Variants in CLPB observed in about 807,000 individuals in gnomAD.
CLPB encodes the protein ClpB family mitochondrial disaggregase.
Under a neutral mutation model 78.4 loss-of-function variants are expected in CLPB, and 40 were observed. The ratio of observed to expected loss-of-function variants is 0.51; its 90% CI spans 0.40 to 0.66. CLPB has a LOEUF of 0.66. Ranked by LOEUF, CLPB falls within the 30% of genes least tolerant of loss-of-function variation. The pLI, the probability that CLPB is intolerant of heterozygous loss-of-function variation, is 0.00. For synonymous variants in CLPB, 333 were observed against 348.0 expected (o/e 0.96, Z 0.48); for missense variants, 780 against 886.9 (o/e 0.88, Z 1.53).
At chr11:72,362,228 C>A (rs984237250) in intron 4 of CLPB, among the ~76,000 whole-genome samples, 1 of 152,220 alleles carries the variant, frequency 6.6e-6, no homozygotes, top group Non-Finnish European at 1.5e-5. Flanking sequence ...ATTCCTCCTA[C>A]GTTTGAGGTA....
intron 4 of CLPB, among the ~76,000 whole-genome samples, chr11:72,360,335 C>T (rs773428091): frequency 6.6e-6 from 1 of 152,184 alleles, no homozygotes; most frequent in Non-Finnish European, 1.5e-5. Context: ...CAGACAATTC[C>T]TAAACCATTC....
At chr11:72,396,950 T>C (rs1247306952) in intron 3 of CLPB, among the ~76,000 whole-genome samples, 2 of 152,358 alleles carry the variant, frequency 1.3e-5, no homozygotes, top group African/African-American at 4.8e-5. Context: ...AGAGTAAAAT[T>C]CATCCTTTTT....
intron 11 of CLPB, among the ~76,000 whole-genome samples, chr11:72,297,112 GGGA>G (rs1949564792): frequency 6.6e-6 from 1 of 152,210 alleles, no homozygotes; most frequent in Non-Finnish European, 1.5e-5. Context: ...ACAGGTGCTA[GGGA>G]GGAGATCTAC....
chr11:72,365,494 T>C (rs891517523), intron 4 of CLPB, among the ~76,000 whole-genome samples: 3 of 152,156 alleles, frequency 2.0e-5, no homozygotes, highest in Admixed American at 2.0e-4. Context: ...CTAAAACTGA[T>C]TGTCATAATA....
chr11:72,401,845 C>A (rs952331437), intron 3 of CLPB, among the ~76,000 whole-genome samples: 1 of 152,182 alleles, frequency 6.6e-6, no homozygotes, highest in African/African-American at 2.4e-5. Context: ...TACTTCATCC[C>A]AGCACTTCCA....
intron 3 of CLPB, among the ~76,000 whole-genome samples, chr11:72,390,571 G>A (rs752307285): frequency 6.6e-5 from 10 of 151,934 alleles, no homozygotes; most frequent in Non-Finnish European, 1.5e-4. Context: ...GGTATATAAA[G>A]AAAATCTTCA....
chr11:72,412,031 C>G (rs1855893478), intron 2 of CLPB: 1 of 152,250 alleles, frequency 6.6e-6, no homozygotes, highest in Non-Finnish European at 1.5e-5. Context: ...TGCCTGGGGC[C>G]AGAATCCCCA....
intron 5 of CLPB, among the ~76,000 whole-genome samples, chr11:72,357,986 T>G (rs1394789634): frequency 1.3e-5 from 2 of 152,164 alleles, no homozygotes; most frequent in Non-Finnish European, 2.9e-5. Context: ...TCATGTGCCA[T>G]GTACTCACTC....
At chr11:72,343,131 C>T (rs528528882) in intron 5 of CLPB, among the ~76,000 whole-genome samples, 1 of 152,260 alleles carries the variant, frequency 6.6e-6, no homozygotes, top group East Asian at 1.9e-4. Context: ...CAAGTAGAGC[C>T]CTCTGCTTGG....
At chr11:72,392,130 C>A (rs1855271732) in intron 3 of CLPB, among the ~76,000 whole-genome samples, 1 of 151,906 alleles carries the variant, frequency 6.6e-6, no homozygotes, top group Non-Finnish European at 1.5e-5. Flanking sequence ...GGGCAGTGAT[C>A]CCAGCTCCAG....
At chr11:72,429,193 T>C (rs2135164156) in intron 2 of CLPB, 1 of 152,350 alleles carries the variant, frequency 6.6e-6, no homozygotes, top group South Asian at 2.1e-4. Context: ...GTTTTTAAGA[T>C]GCATCATCGC....
chr11:72,378,121 T>C (rs867934112), intron 4 of CLPB, among the ~76,000 whole-genome samples: 1 of 152,236 alleles, frequency 6.6e-6, no homozygotes, highest in Admixed American at 6.5e-5. Context: ...GATGGCTTCA[T>C]AGCTCTGAGA....
chr11:72,432,827 T>C lies in CLPB; in HGVS notation c.403+1245A>G, dbSNP rs548749244. Among the ~76,000 whole-genome samples the C allele has an allele frequency of 4.6e-5, 7 of 152,250 alleles. No individual in the cohort carries two copies. The South Asian group carries it at 1.5e-3, about 32-fold the overall frequency. ...CCAGACCAAAGTCCTTCCTTTACAA[T>C]TGGCCACATCAAACGAATCAAAGTC... On this transcript the variant is annotated intron_variant, in intron 1 of 15. Transcript: ENST00000538039.
chr11:72,322,788 GT>G (rs1323852055), intron 6 of CLPB, among the ~76,000 whole-genome samples: 1 of 152,094 alleles, frequency 6.6e-6, no homozygotes, highest in African/African-American at 2.4e-5. Flanking sequence ...AAAGTATCTT[GT>G]GGGGAGAGAC....
In CLPB at chr11:72,289,924, T is replaced by TTG. The variant is rs1333504838; in HGVS notation, c.*3441_*3442dup. The TTG allele has an allele frequency of 2.6e-5, 4 of 152,286 alleles. No individual in the cohort carries two copies. The highest frequency in any genetic ancestry group is 2.0e-4 in the Admixed American group (3 of 15,302). The allele number at this position is 152,286 out of a possible 1,614,324, so 9.4% of individuals were successfully genotyped here. On this transcript the variant is annotated 3_prime_UTR_variant, in exon 16 of 16. Transcript: ENST00000538039. ...TGGATAGAATAATAAATTCAGGTGC[T>TTG]TGTATTTGCATGTTTTAACATATAT...
At chr11:72,407,523 T>C (rs78509017) in intron 2 of CLPB, among the ~76,000 whole-genome samples, 15,338 of 152,150 alleles carry the variant, frequency 0.1, 1,346 homozygotes, top group African/African-American at 0.24. Flanking sequence ...GGAAGAGGCA[T>C]TTCTCTAAAC....
chr11:72,380,435 G>A (rs1854875130), intron 3 of CLPB, 51 bp from the exon 4 acceptor site: 1 of 1,429,028 alleles, frequency 7.0e-7, no homozygotes, highest in Admixed American at 1.7e-5. Flanking sequence ...AGGCCCAGGA[G>A]GTACAGACCC....
chr11:72,357,250 G>C (rs1950735917), intron 5 of CLPB: 1 of 152,348 alleles, frequency 6.6e-6, no homozygotes, highest in Non-Finnish European at 1.5e-5. Flanking sequence ...GTGTTCCTGG[G>C]AAGTTCCCAG....
chr11:72,403,032 T>C lies in CLPB; in HGVS notation c.476A>G (p.Asp159Gly), dbSNP rs753217777. Reference sequence around the variant, plus strand: ...GCCAAGTCTGTGCTTTGCATTGACATCTGCACCTTCTGACAACAGCCTAAA... The same window carrying C: ...GCCAAGTCTGTGCTTTGCATTGACACCTGCACCTTCTGACAACAGCCTAAA... The part of the protein sequence containing the change: ...EVSRLLSEGA[D>G]VNAKHRLGWT... The change falls in exon 3 of 16, where the codon GAT (aspartate) becomes GGT (glycine). Residue 159 changes from aspartate (D) to glycine (G), a missense_variant. By Grantham distance (94) the Asp-to-Gly change is moderately conservative. Around this residue, in one of 3 missense-constraint regions of CLPB, gnomAD observed 417 missense variants for 414.7 expected, o/e 1.01. Coordinates refer to ENST00000538039, the MANE Select transcript of CLPB (RefSeq NM_001258392.3). 1 of 1,613,500 alleles carries C rather than the reference T, an allele frequency of 6.2e-7. No individual in the cohort carries two copies. The highest frequency in any genetic ancestry group is 1.1e-5 in the South Asian group (1 of 91,050).
Sources: gnomAD v4.1 joint callset for allele counts (sites outside exome capture counted in the v4.1 genomes callset) on GRCh38, gnomAD v4.1.1 for gene constraint, gnomAD v4.1.1 regional missense constraint, MANE v1.5 for transcripts, NCBI Gene and HGNC (gene_info 2026-07-23, HGNC 2026-07-21) for gene names.